DMD: variants seen among roughly 807,000 people sequenced by gnomAD.
DMD encodes mutant dystrophin.
Under a neutral mutation model 330.1 loss-of-function variants are expected in DMD, and 63 were observed. The ratio of observed to expected loss-of-function variants is 0.19; its 90% CI spans 0.16 to 0.24. The LOEUF is 0.24. DMD is among the 10% of genes least tolerant of loss of function. The probability of loss-of-function intolerance (pLI) is 1.00; values close to 1 mark genes in which losing one functional copy is unlikely to be tolerated. For missense variants in DMD, 3,344 were observed against 2,684.1 expected (o/e 1.25, Z -5.43); for synonymous variants, 1,223 against 959.8 (o/e 1.27, Z -5.07).
At chrX:31,810,244 T>C (rs973942718) in intron 50 of DMD, among the ~76,000 whole-genome samples, 1 of 110,420 alleles carries the variant, frequency 9.1e-6, no homozygotes, top group Admixed American at 9.7e-5. Flanking sequence ...AAAAATAGTA[T>C]GGAAAACACT....
chrX:32,291,678 G>A (rs1036507660), intron 42 of DMD, among the ~76,000 whole-genome samples: 1 of 111,654 alleles, frequency 9.0e-6, no homozygotes, highest in African/African-American at 3.3e-5. Context: ...AGATGAAGAG[G>A]TTCCATGGTT....
At chrX:32,422,201 G>C (rs536002587) in intron 29 of DMD, among the ~76,000 whole-genome samples, 1 of 111,461 alleles carries the variant, frequency 9.0e-6, no homozygotes, top group South Asian at 3.7e-4. Context: ...ATGCACCTTA[G>C]CAAAGTGCAC....
At chrX:33,329,321 GTTC>G (rs200482963) in intron 1 of DMD, among the ~76,000 whole-genome samples, 26,403 of 110,921 alleles carry the variant, frequency 0.24, 2,833 homozygotes, top group Middle Eastern at 0.35. Context: ...AGTAATGATG[GTTC>G]TTTGTTTACC....
chrX:33,087,453 G>A (rs1196867561), intron 1 of DMD, among the ~76,000 whole-genome samples: 1 of 111,567 alleles, frequency 9.0e-6, no homozygotes, highest in African/African-American at 3.3e-5. Flanking sequence ...AGGTTATATT[G>A]CCCTCTTCCC....
At chrX:32,394,946 T>C (rs2098033616) in intron 30 of DMD, among the ~76,000 whole-genome samples, 1 of 47,111 alleles carries the variant, frequency 2.1e-5, no homozygotes, top group African/African-American at 6.2e-5. Flanking sequence ...AAAGAAATCA[T>C]CATCAGTATC....
At chrX:33,122,125 C>T (rs1175598322) in intron 1 of DMD, among the ~76,000 whole-genome samples, 1 of 111,831 alleles carries the variant, frequency 8.9e-6, no homozygotes, top group Non-Finnish European at 1.9e-5. Context: ...ACTGAGGAGG[C>T]TCAGGCAGGA....
At chrX:33,005,450 C>T (rs140121763) in intron 2 of DMD, among the ~76,000 whole-genome samples, 264 of 108,692 alleles carry the variant, frequency 2.4e-3, no homozygotes, top group Non-Finnish European at 4.3e-3. Flanking sequence ...TGAGGAATGA[C>T]TTCAATAATG....
At chrX:32,833,346 C>T (rs1259710690) in intron 4 of DMD, among the ~76,000 whole-genome samples, 2 of 110,402 alleles carry the variant, frequency 1.8e-5, no homozygotes, top group East Asian at 5.6e-4. Flanking sequence ...GCATGAAAGA[C>T]ATTAAAACAA....
intron 44 of DMD, among the ~76,000 whole-genome samples, chrX:32,004,205 C>G (rs752435487): frequency 1.8e-5 from 2 of 111,200 alleles, no homozygotes; most frequent in East Asian, 5.7e-4. Flanking sequence ...TTCCACTATA[C>G]TACAATTACC....
intron 2 of DMD, among the ~76,000 whole-genome samples, chrX:32,996,766 G>A (rs2093131391): frequency 1.8e-5 from 2 of 108,987 alleles, no homozygotes; most frequent in African/African-American, 6.7e-5. Flanking sequence ...GCAGTGAGCC[G>A]AGATAGTGCC....
chrX:32,563,107 G>A (rs141614191), intron 16 of DMD, among the ~76,000 whole-genome samples: 1,171 of 110,489 alleles, frequency 0.011, 20 homozygotes, highest in African/African-American at 0.036. Flanking sequence ...TTGGGAGGCC[G>A]AAGTGGGAGG....
At chrX:32,421,325 A>T (rs779304775) in intron 29 of DMD, among the ~76,000 whole-genome samples, 16 of 111,832 alleles carry the variant, frequency 1.4e-4, no homozygotes, top group African/African-American at 5.2e-4. Flanking sequence ...CCAAGTTGTT[A>T]GGATAGACAA....
At position 32,440,061 on chromosome X, in the gene DMD, G is replaced by T. The variant is rs747599082; in HGVS notation, c.3921+1119C>A. Reference sequence around the variant, plus strand: ...CACATCACTGAAACTGTGAGAGCAAGAATTTAGCATGGTGCTCCATGTACG... The same window carrying T: ...CACATCACTGAAACTGTGAGAGCAATAATTTAGCATGGTGCTCCATGTACG... On this transcript the variant is annotated intron_variant, in intron 28 of 78. Coordinates refer to ENST00000357033, the MANE Select transcript of DMD (RefSeq NM_004006.3). 2.7e-5 allele frequency among the ~76,000 whole-genome samples: 3 copies of T among 111,543 alleles called. No individual in the cohort carries two copies. In the South Asian group the frequency reaches 1.1e-3, roughly 41 times the overall value.
At chrX:32,517,328 G>A (rs2045953092) in intron 18 of DMD, 1 of 111,915 alleles carries the variant, frequency 8.9e-6, no homozygotes, top group South Asian at 3.6e-4. Flanking sequence ...AATTGTTGAA[G>A]TTGAAAAATT....
chrX:32,148,159 G>A (rs938750655), intron 44 of DMD, among the ~76,000 whole-genome samples: 6 of 110,868 alleles, frequency 5.4e-5, no homozygotes, highest in African/African-American at 1.6e-4. Flanking sequence ...TTACAGGCGT[G>A]AGCCACCGCA....
At chrX:31,318,314 C>G (rs2056188348) in intron 62 of DMD, among the ~76,000 whole-genome samples, 1 of 111,597 alleles carries the variant, frequency 9.0e-6, no homozygotes, top group East Asian at 2.8e-4. Flanking sequence ...TAAATCTAGA[C>G]AGATGGCCAC....
chrX:31,343,972 T>C (rs919570785), intron 61 of DMD, among the ~76,000 whole-genome samples: 6 of 107,469 alleles, frequency 5.6e-5, no homozygotes, highest in Non-Finnish European at 7.7e-5. Flanking sequence ...GCTTCAAATA[T>C]GGTGATTTTT....
At chrX:31,407,282 AGCC>A (rs1441194890) in intron 60 of DMD, among the ~76,000 whole-genome samples, 2 of 110,162 alleles carry the variant, frequency 1.8e-5, no homozygotes, top group Non-Finnish European at 3.8e-5. Flanking sequence ...CTCCTGCCTC[AGCC>A]TCCGTAGTAG....
At chrX:32,353,876 T>G (rs1239152671) in intron 37 of DMD, among the ~76,000 whole-genome samples, 1 of 111,167 alleles carries the variant, frequency 9.0e-6, no homozygotes, top group Non-Finnish European at 1.9e-5. Context: ...TAACAACTAT[T>G]AATTGTGCTT....
Sources: gnomAD v4.1 joint callset for allele counts (sites outside exome capture counted in the v4.1 genomes callset) on GRCh38, gnomAD v4.1.1 for gene constraint, MANE v1.5 for transcripts, NCBI Gene and HGNC (gene_info 2026-07-23, HGNC 2026-07-21) for gene names.